The following ELMO1 variants were observed in gnomAD, a reference collection of about 807,000 sequenced individuals.
The protein encoded by ELMO1 is engulfment and cell motility protein 1.
In ELMO1, 26 loss-of-function variants were observed where a neutral mutation model predicts 98.9. The ratio of observed to expected loss-of-function variants is 0.26; its 90% confidence interval spans 0.19 to 0.36. The LOEUF is 0.36. Ranked by LOEUF, ELMO1 falls within the 10% of genes least tolerant of loss-of-function variation. The probability of loss-of-function intolerance (pLI) is 1.00; values close to 1 mark genes in which losing one functional copy is unlikely to be tolerated. For missense variants in ELMO1, 627 were observed against 935.2 expected, an observed-to-expected ratio of 0.67 and a Z score of 4.30; for synonymous variants, 346 against 346.0, an observed-to-expected ratio of 1.00 and a Z score of 0.00.
chr7:37,211,165 C>G, intron 13 of ELMO1: 1 of 562,070 alleles, frequency 1.8e-6, no homozygotes, highest in Non-Finnish European at 3.1e-6. Context: ...ACTGAATAAA[C>G]AAATGCAGTA....
intron 13 of ELMO1, among the ~76,000 whole-genome samples, chr7:37,167,157 C>T (rs10274949): frequency 6.6e-6 from 1 of 151,294 alleles, no homozygotes; most frequent in Non-Finnish European, 1.5e-5. Flanking sequence ...ACTAGGATTC[C>T]AACCCCTGCC....
chr7:36,858,393 GA>G (rs1312222675), intron 21 of ELMO1, among the ~76,000 whole-genome samples: 2 of 152,184 alleles, frequency 1.3e-5, no homozygotes, highest in African/African-American at 2.4e-5. Context: ...AAGGGAGCCT[GA>G]ATTTGATTAA....
intron 16 of ELMO1, among the ~76,000 whole-genome samples, chr7:37,002,783 T>G (rs1792772864): frequency 6.6e-6 from 1 of 152,192 alleles, no homozygotes; most frequent in African/African-American, 2.4e-5. Context: ...ATAGTAACTT[T>G]GAGTACCTTC....
chr7:37,380,087 G>T (rs1453755826), intron 1 of ELMO1, among the ~76,000 whole-genome samples: 2 of 152,150 alleles, frequency 1.3e-5, no homozygotes, highest in Non-Finnish European at 2.9e-5. Context: ...CGTGACTCTT[G>T]TGTAGTATGA....
At chr7:37,279,196 C>G (rs895941684) in intron 4 of ELMO1, among the ~76,000 whole-genome samples, 1 of 147,650 alleles carries the variant, frequency 6.8e-6, no homozygotes, top group South Asian at 2.1e-4. Flanking sequence ...CAGCGAAACT[C>G]CGTTTCAAAA....
chr7:37,271,767 A>C (rs1796569953), intron 5 of ELMO1, 65 bp downstream of exon 5: 2 of 1,536,970 alleles, frequency 1.3e-6, no homozygotes, highest in African/African-American at 1.4e-5. Context: ...AATATCCCAC[A>C]ATCACATATA....
At chr7:37,351,920 G>C (rs1009569654) in intron 1 of ELMO1, among the ~76,000 whole-genome samples, 1 of 152,186 alleles carries the variant, frequency 6.6e-6, no homozygotes, top group African/African-American at 2.4e-5. Flanking sequence ...TTCCTCTGTG[G>C]GACTGCTATC....
chr7:37,247,702 A>C (rs1795085231), intron 6 of ELMO1, among the ~76,000 whole-genome samples: 1 of 152,220 alleles, frequency 6.6e-6, no homozygotes, highest in Non-Finnish European at 1.5e-5. Context: ...GTGAAGAACA[A>C]TTCCAGATCA....
intron 1 of ELMO1, among the ~76,000 whole-genome samples, chr7:37,389,914 G>C (rs1259273609): frequency 6.6e-6 from 1 of 151,910 alleles, no homozygotes; most frequent in African/African-American, 2.4e-5. Flanking sequence ...AGAAAGGCAC[G>C]CTTCCCACAG....
At chr7:37,425,273 G>A (rs992433106) in intron 1 of ELMO1, among the ~76,000 whole-genome samples, 1 of 152,178 alleles carries the variant, frequency 6.6e-6, no homozygotes, top group Non-Finnish European at 1.5e-5. Flanking sequence ...GTGGCAGAAA[G>A]AGCAGCAGAG....
At chr7:37,042,492 A>G (rs1795576770) in intron 15 of ELMO1, among the ~76,000 whole-genome samples, 1 of 152,200 alleles carries the variant, frequency 6.6e-6, no homozygotes, top group South Asian at 2.1e-4. Flanking sequence ...GAGTTGCTCA[A>G]CTGCCCTGTG....
At chr7:37,110,582 A>AAT (rs906948792) in intron 14 of ELMO1, among the ~76,000 whole-genome samples, 16 of 151,930 alleles carry the variant, frequency 1.1e-4, no homozygotes, top group South Asian at 4.2e-4. Context: ...GTATAATTTA[A>AAT]ATATATATAT....
chr7:37,114,510 TTATC>T (rs1369072933), intron 14 of ELMO1, among the ~76,000 whole-genome samples: 1 of 152,134 alleles, frequency 6.6e-6, no homozygotes, highest in Admixed American at 6.5e-5. Context: ...CTGGGTTGCC[TTATC>T]AAGGCAACCC....
intron 16 of ELMO1, among the ~76,000 whole-genome samples, chr7:36,929,702 C>T (rs955496115): frequency 3.9e-5 from 6 of 152,122 alleles, no homozygotes; most frequent in African/African-American, 1.4e-4. Flanking sequence ...CACTGTAACA[C>T]CACAATGTGA....
intron 1 of ELMO1, among the ~76,000 whole-genome samples, chr7:37,413,029 T>C (rs138420506): frequency 5.9e-5 from 9 of 152,300 alleles, no homozygotes; most frequent in Admixed American, 4.6e-4. Flanking sequence ...ACTAAAATTA[T>C]GAAAGAGAAT....
intron 14 of ELMO1, among the ~76,000 whole-genome samples, chr7:37,119,272 T>C (rs1187124740): frequency 6.6e-6 from 1 of 152,206 alleles, no homozygotes; most frequent in Non-Finnish European, 1.5e-5. Context: ...ATCTACAGAC[T>C]GGAAGGAAAG....
intron 10 of ELMO1, among the ~76,000 whole-genome samples, chr7:37,222,190 A>AC (rs1793634105): frequency 6.6e-6 from 1 of 152,012 alleles, no homozygotes; most frequent in Non-Finnish European, 1.5e-5. Context: ...AAAACATGGC[A>AC]CCCCTCAGGG....
At chr7:37,049,780 T>TG (rs1165647362) in intron 15 of ELMO1, among the ~76,000 whole-genome samples, 1 of 145,040 alleles carries the variant, frequency 6.9e-6, no homozygotes, top group African/African-American at 2.7e-5. Context: ...TTTGTTTCTT[T>TG]TTTTTTTTTT....
At chr7:36,875,727 T>C (rs1450080084) in intron 19 of ELMO1, among the ~76,000 whole-genome samples, 1 of 152,096 alleles carries the variant, frequency 6.6e-6, no homozygotes, top group Non-Finnish European at 1.5e-5. Flanking sequence ...ATTTTCACCC[T>C]GGAGTCTTGG....
Sources: allele counts gnomAD v4.1 joint callset (sites outside exome capture counted in the v4.1 genomes callset), GRCh38; gene constraint gnomAD v4.1.1; transcripts MANE v1.5; gene names NCBI Gene and HGNC (gene_info 2026-07-23, HGNC 2026-07-21).